CARF: variants seen among roughly 807,000 people sequenced by gnomAD.
The protein encoded by CARF is calcium responsive transcription factor.
CARF carries 57 observed loss-of-function variants against 82.0 expected under a neutral mutation model. The ratio of observed to expected loss-of-function variants is 0.70; its 90% CI spans 0.56 to 0.87. The LOEUF (loss-of-function observed/expected upper bound fraction) is 0.87, where lower values mean the gene tolerates loss of function less well. CARF is among the 40% of genes least tolerant of loss of function. The pLI is 0.00. For synonymous variants in CARF, 268 were observed against 290.1 expected (o/e 0.92, Z 0.77); for missense variants, 771 against 855.8 (o/e 0.90, Z 1.24).
chr2:202,922,487 C>A (rs373920570), intron 2 of CARF, among the ~76,000 whole-genome samples: 4 of 152,246 alleles, frequency 2.6e-5, no homozygotes, highest in African/African-American at 9.6e-5. Flanking sequence ...CTAGCCAGAG[C>A]AGTCAGACAA....
chr2:202,970,697 T>G (rs951843267), intron 11 of CARF, among the ~76,000 whole-genome samples: 2 of 152,184 alleles, frequency 1.3e-5, no homozygotes, highest in African/African-American at 4.8e-5. Flanking sequence ...GATCCTTCAA[T>G]GAAAGTCAAA....
At position 202,941,525 on chromosome 2, in the gene CARF, A is replaced by G. The variant is rs372848532; in HGVS notation, c.-43-335A>G. On this transcript the variant is annotated intron_variant, in intron 3 of 16. Transcript: ENST00000438828. ...CATAAAGTTGAAAAACTTTATGTGC[A>G]TTAAATCTCTGGTAATATGAGAATT... Among the ~76,000 whole-genome samples, 7 of 152,292 alleles carry G rather than the reference A, an allele frequency of 4.6e-5. No homozygotes were observed. In the East Asian group the frequency reaches 1.2e-3, roughly 25 times the overall value.
intron 14 of CARF, among the ~76,000 whole-genome samples, chr2:202,980,643 T>TATATATATATAG (rs2060219247): frequency 1.2e-5 from 1 of 80,176 alleles, no homozygotes; most frequent in Non-Finnish European, 2.9e-5. Context: ...TATATATATA[T>TATATATATATAG]ATATATATAT....
At chr2:202,953,502 T>TTTG (rs1010899905) in intron 6 of CARF, among the ~76,000 whole-genome samples, 3 of 144,970 alleles carry the variant, frequency 2.1e-5, no homozygotes, top group Non-Finnish European at 4.5e-5. Flanking sequence ...TTTGTTGTTT[T>TTTG]TTTTTTTTTT....
In CARF at chr2:202,942,902, G is replaced by A. The variant is rs1339748639; in HGVS notation, c.241G>A (p.Val81Met). ...QTLSAEQFHL[V>M]DQNGQAIQYE... is the part of the protein sequence containing the mutation. ...TCTTTCTGCAGAGCAATTCCATCTA[G>A]TGGACCAAAATGGGCAGGCTATTCA... Residue 81 changes from valine to methionine, a missense_variant, in exon 5 of 17, where the codon GTG becomes ATG. By Grantham distance (21) the Val-to-Met change is conservative. Coordinates refer to ENST00000438828, the MANE Select transcript of CARF (RefSeq NM_024744.17). 2 of 1,614,108 alleles carry A rather than the reference G, an allele frequency of 1.2e-6. No homozygotes were observed. The highest frequency in any genetic ancestry group is 2.2e-5 in the East Asian group (1 of 44,860).
chr2:202,952,368 T>C (rs1379570058), intron 5 of CARF, among the ~76,000 whole-genome samples, 191 bp from the exon 6 acceptor site: 1 of 152,318 alleles, frequency 6.6e-6, no homozygotes, highest in South Asian at 2.1e-4. Context: ...TAATCCTGGC[T>C]TCACCACTTA....
intron 8 of CARF, among the ~76,000 whole-genome samples, chr2:202,957,233 T>G (rs936251988): frequency 3.9e-5 from 6 of 152,200 alleles, no homozygotes; most frequent in Non-Finnish European, 8.8e-5. Flanking sequence ...TGGTCCCTAA[T>G]GTATATTTTT....
intron 3 of CARF, chr2:202,934,418 A>C (rs1693539836): frequency 6.6e-6 from 1 of 152,156 alleles, no homozygotes; most frequent in Non-Finnish European, 1.5e-5. Context: ...ATTTGGCTCT[A>C]AGTTCTATCC....
In CARF at chr2:202,918,645, G is replaced by A. The variant is rs183174708; in HGVS notation, c.-163+602G>A. Reference sequence around the variant, plus strand: ...ACATTCAGGATAGTTGGGAAAATCAGCTATTTTAAGTCACTTTGCAGTTGT... The same window carrying A: ...ACATTCAGGATAGTTGGGAAAATCAACTATTTTAAGTCACTTTGCAGTTGT... On this transcript the variant is annotated intron_variant, in intron 2 of 16. Transcript: ENST00000438828. Among the ~76,000 whole-genome samples, 773 of 152,256 alleles carry A rather than the reference G, an allele frequency of 5.1e-3. 4 individuals are homozygous for A. Among genetic ancestry groups the A allele is most frequent in the African/African-American group, 0.017 (715 of 41,548 alleles).
chr2:202,953,258 C>A (rs975639991), intron 6 of CARF, among the ~76,000 whole-genome samples: 2 of 152,122 alleles, frequency 1.3e-5, no homozygotes, highest in African/African-American at 4.8e-5. Flanking sequence ...TTGGGTGATC[C>A]ACCTGCCTCC....
chr2:202,943,633 T>C (rs535299832), intron 5 of CARF, among the ~76,000 whole-genome samples: 1,107 of 54,856 alleles, frequency 0.02, 36 homozygotes, highest in Admixed American at 0.1. Context: ...CACACACATA[T>C]TAGGCTAACT....
intron 2 of CARF, among the ~76,000 whole-genome samples, chr2:202,923,613 A>C (rs1032145498): frequency 5.3e-5 from 8 of 152,350 alleles, no homozygotes; most frequent in African/African-American, 1.9e-4. Context: ...TCACAGAATT[A>C]GAAAAAACAA....
At chr2:202,948,368 GT>G (rs1303812136) in intron 5 of CARF, among the ~76,000 whole-genome samples, 3 of 152,092 alleles carry the variant, frequency 2.0e-5, no homozygotes, top group Non-Finnish European at 2.9e-5. Flanking sequence ...TTTTAAAATA[GT>G]TTTTTTCTGG....
chr2:202,941,355 T>G (rs968822057), intron 3 of CARF, among the ~76,000 whole-genome samples: 12 of 152,280 alleles, frequency 7.9e-5, no homozygotes, highest in Admixed American at 2.6e-4. Flanking sequence ...TTTTTTAAAA[T>G]ATATCTTCCT....
chr2:202,983,780 A>G lies in CARF; in HGVS notation c.*156A>G, dbSNP rs185537312. ...AACTGATATATTTGTTGCCAGTTCC[A>G]TATTTTTACCTTCCTTAAGAGATGT... is the stretch of plus-strand genomic sequence containing the variant. On this transcript the variant is annotated 3_prime_UTR_variant, in exon 17 of 17. Transcript: ENST00000438828. 629 of 589,976 alleles carry G rather than the reference A, an allele frequency of 1.1e-3. 2 individuals are homozygous for G. In the African/African-American group the frequency reaches 0.011, roughly 10 times the overall value. 36.5% of individuals were successfully genotyped at this position (589,976 alleles called of 1,614,324 possible). A position where few individuals can be genotyped will look rare whatever the true frequency, so the allele number is the denominator to read the frequency against.
At chr2:202,924,662 G>C (rs1157114138) in intron 3 of CARF, 2 of 153,756 alleles carry the variant, frequency 1.3e-5, no homozygotes, top group East Asian at 3.8e-4. Context: ...CTGGTCCCTT[G>C]GTGGCCAAGG....
At chr2:202,972,475 G>A (rs533695192) in intron 12 of CARF, among the ~76,000 whole-genome samples, 76 of 151,822 alleles carry the variant, frequency 5.0e-4, no homozygotes, top group African/African-American at 1.8e-3. Context: ...TCAGGAGATC[G>A]AGACCATCCT....
intron 3 of CARF, among the ~76,000 whole-genome samples, chr2:202,932,013 G>A (rs554593922): frequency 1.1e-4 from 17 of 152,308 alleles, no homozygotes; most frequent in Admixed American, 1.0e-3. Flanking sequence ...TTCTACTGGG[G>A]AGGCGTCAGG....
At chr2:202,938,918 C>T (rs749481282) in intron 3 of CARF, among the ~76,000 whole-genome samples, 5 of 152,088 alleles carry the variant, frequency 3.3e-5, no homozygotes, top group African/African-American at 9.7e-5. Flanking sequence ...ATTCCTATGA[C>T]TTCTGCTACC....
Sources: allele counts gnomAD v4.1 joint callset (sites outside exome capture counted in the v4.1 genomes callset), GRCh38; gene constraint gnomAD v4.1.1; transcripts MANE v1.5; gene names NCBI Gene and HGNC (gene_info 2026-07-23, HGNC 2026-07-21).